The following KANK1 variants were observed in gnomAD, a reference collection of about 807,000 sequenced individuals.
KANK1 encodes the protein KN motif and ankyrin repeat domains 1.
KANK1 carries 109 observed loss-of-function variants against 106.2 expected under a neutral mutation model. That is an observed-to-expected ratio of 1.03 (90% CI 0.88 to 1.20). KANK1 has a LOEUF of 1.20. Among genes scored for constraint, KANK1 ranks in the 50% most tolerant of loss-of-function variants. KANK1 has a pLI of 0.00. For missense variants in KANK1, 2,399 were observed against 1,710.7 expected, an observed-to-expected ratio of 1.40 and a Z score of -7.10; for synonymous variants, 873 against 652.2, an observed-to-expected ratio of 1.34 and a Z score of -5.16.
At chr9:636,146 A>T (rs1475403761) in intron 1 of KANK1, among the ~76,000 whole-genome samples, 3 of 152,142 alleles carry the variant, frequency 2.0e-5, no homozygotes, top group African/African-American at 7.2e-5. Flanking sequence ...TTAAAGATTC[A>T]GTTTCAGTTG....
At position 573,282 on chromosome 9, in the gene KANK1, T is replaced by TA. The variant is rs1479558488; in HGVS notation, c.-84+68528_-84+68529insA. ...GAGGATTTATTATTATTATTATTAT[T>TA]TTTTTGAGACAGAGTCTCGCTCTGT... On this transcript the variant is annotated intron_variant, in intron 1 of 11. Coordinates refer to ENST00000382297, the MANE Select transcript of KANK1 (RefSeq NM_015158.5). Among the ~76,000 whole-genome samples, 45 of 151,948 alleles carry TA rather than the reference T, an allele frequency of 3.0e-4. 1 individual carries two copies. The highest frequency in any genetic ancestry group is 1.0e-3 in the South Asian group (5 of 4,808).
At position 734,783 on chromosome 9, in the gene KANK1, A is replaced by G. The variant is rs745697707; in HGVS notation, c.3281A>G (p.Asn1094Ser). The G allele has an allele frequency of 2.5e-6, 4 of 1,613,846 alleles. No individual in the cohort carries two copies. The Admixed American group carries it at 6.7e-5, about 27-fold the overall frequency. The change falls in exon 7 of 12, where the codon AAC (asparagine) becomes AGC (serine). Residue 1094 changes from asparagine to serine, a missense_variant. Coordinates refer to ENST00000382297, the MANE Select transcript of KANK1 (RefSeq NM_015158.5). ...AGTGAAAAGATGTTGTCTGCATGCA[A>G]CTTACTGAAAAATACTATAAATGAC... ...ELSEKMLSAC[N>S]LLKNTINDPK...
intron 1 of KANK1, among the ~76,000 whole-genome samples, chr9:535,885 C>G (rs2060275548): frequency 6.6e-6 from 1 of 152,204 alleles, no homozygotes; most frequent in Non-Finnish European, 1.5e-5. Context: ...GTAAACCTTT[C>G]CTACCATGTT....
intron 1 of KANK1, among the ~76,000 whole-genome samples, chr9:557,919 T>A (rs1051563575): frequency 6.6e-6 from 1 of 152,098 alleles, no homozygotes; most frequent in Non-Finnish European, 1.5e-5. Flanking sequence ...GTAGAAGGAT[T>A]GTTTGAGCCT....
chr9:712,507 T>C lies in KANK1; in HGVS notation c.1741T>C (p.Cys581Arg). 6.2e-7 allele frequency: 1 copy of C among 1,614,126 alleles called. No homozygotes were observed. The highest frequency in any genetic ancestry group is 8.5e-7 in the Non-Finnish European group (1 of 1,180,044). The change falls in exon 3 of 12, where the codon TGT becomes CGT. Residue 581 changes from cysteine (C) to arginine (R), a missense_variant. Physicochemically the swap from Cys to Arg is radical, Grantham distance 180. Coordinates refer to ENST00000382297, the MANE Select transcript of KANK1 (RefSeq NM_015158.5). ...GGAGAGGGTGGAAATGCATGACCGA[T>C]GTGCTGGGAGGTCTGTGGAAATGTG... ...VKERVEMHDR[C>R]AGRSVEMCDK... is the part of the protein sequence containing the mutation.
chr9:489,140 G>A (rs929161195), intron 3 of KANK1: 5 of 152,204 alleles, frequency 3.3e-5, no homozygotes, highest in Admixed American at 2.6e-4. Flanking sequence ...AGTACTTGGT[G>A]TGGGGAAGCT....
At chr9:497,454 T>A (rs533213454) in intron 3 of KANK1, among the ~76,000 whole-genome samples, 9 of 146,204 alleles carry the variant, frequency 6.2e-5, no homozygotes, top group African/African-American at 2.5e-4. Flanking sequence ...ACACTCACAC[T>A]CACACTCTTG....
intron 1 of KANK1, among the ~76,000 whole-genome samples, chr9:508,097 C>G (rs1227156101): frequency 1.5e-5 from 2 of 133,232 alleles, no homozygotes; most frequent in Non-Finnish European, 3.1e-5. Context: ...GTTGGGATTA[C>G]AGGTGTGAGA....
intron 3 of KANK1, among the ~76,000 whole-genome samples, chr9:719,440 C>T (rs1029779491): frequency 1.3e-5 from 2 of 152,114 alleles, no homozygotes; most frequent in Non-Finnish European, 2.9e-5. Context: ...ATCAGAATGT[C>T]AAGCTGAAAA....
chr9:543,513 C>A (rs1376676932), intron 1 of KANK1, among the ~76,000 whole-genome samples: 1 of 149,486 alleles, frequency 6.7e-6, no homozygotes, highest in Non-Finnish European at 1.5e-5. Context: ...GAATCAAGAT[C>A]ACACCATTGC....
chr9:655,017 C>G (rs1194691856), intron 1 of KANK1, among the ~76,000 whole-genome samples: 1 of 152,100 alleles, frequency 6.6e-6, no homozygotes, highest in Non-Finnish European at 1.5e-5. Context: ...TACTTCTGCT[C>G]AGGTCTCACC....
chr9:502,546 T>TTTAGAC (rs1554722304), upstream of KANK1, among the ~76,000 whole-genome samples: 1 of 150,180 alleles, frequency 6.7e-6, no homozygotes, highest in African/African-American at 2.5e-5. Context: ...TTTTTTTTCT[T>TTTAGAC]AGAGTCGTGC....
intron 1 of KANK1, among the ~76,000 whole-genome samples, chr9:670,770 C>T (rs923403112): frequency 6.6e-6 from 1 of 152,058 alleles, no homozygotes; most frequent in Non-Finnish European, 1.5e-5. Context: ...TGGGTTGAGG[C>T]ATGGATAGGT....
chr9:548,453 C>G (rs1244726382), intron 1 of KANK1, among the ~76,000 whole-genome samples: 2 of 152,176 alleles, frequency 1.3e-5, no homozygotes, highest in Non-Finnish European at 1.5e-5. Context: ...GCAGCACGTA[C>G]AGATGCCCTC....
intron 1 of KANK1, among the ~76,000 whole-genome samples, chr9:527,875 G>A (rs117116028): frequency 0.042 from 6,288 of 149,018 alleles, 170 homozygotes; most frequent in Non-Finnish European, 0.053. Flanking sequence ...GGGGCGGGGC[G>A]CGATGGCTCA....
chr9:596,776 A>G (rs1826327564), intron 1 of KANK1, among the ~76,000 whole-genome samples: 1 of 151,778 alleles, frequency 6.6e-6, no homozygotes, highest in South Asian at 2.1e-4. Context: ...AGGCAGTTTA[A>G]TAATTGACAA....
At chr9:644,382 G>C (rs1292913456) in intron 1 of KANK1, among the ~76,000 whole-genome samples, 1 of 150,952 alleles carries the variant, frequency 6.6e-6, no homozygotes, top group African/African-American at 2.5e-5. Flanking sequence ...CTGCTATAAA[G>C]AAATACTGGA....
intron 7 of KANK1, among the ~76,000 whole-genome samples, chr9:736,538 T>C (rs1833846988): frequency 6.6e-6 from 1 of 151,888 alleles, no homozygotes; most frequent in Admixed American, 6.6e-5. Context: ...CAAAACCCTG[T>C]CTCTACAAAA....
intron 1 of KANK1, among the ~76,000 whole-genome samples, chr9:610,929 C>A (rs1364088234): frequency 6.6e-6 from 1 of 152,082 alleles, no homozygotes; most frequent in Non-Finnish European, 1.5e-5. Flanking sequence ...GTCCCCAGTC[C>A]CGTAGAAGAA....
Sources: gnomAD v4.1 joint callset for allele counts (sites outside exome capture counted in the v4.1 genomes callset) on GRCh38, gnomAD v4.1.1 for gene constraint, MANE v1.5 for transcripts, NCBI Gene and HGNC (gene_info 2026-07-23, HGNC 2026-07-21) for gene names.